EXOC4: variants seen among roughly 807,000 people sequenced by gnomAD.
EXOC4 encodes exocyst complex component 4.
EXOC4 carries 71 observed loss-of-function variants against 107.2 expected under a neutral mutation model. The ratio of observed to expected loss-of-function variants is 0.66; its 90% confidence interval spans 0.55 to 0.81. The LOEUF (loss-of-function observed/expected upper bound fraction) is 0.81. Among genes scored for constraint, EXOC4 ranks in the 30% least tolerant of loss-of-function variants. The pLI is 0.00. For synonymous variants in EXOC4, 456 were observed against 441.2 expected, an observed-to-expected ratio of 1.03 and a Z score of -0.42; for missense variants, 1,108 against 1,189.6, an observed-to-expected ratio of 0.93 and a Z score of 1.01.
intron 17 of EXOC4, among the ~76,000 whole-genome samples, chr7:134,020,802 A>G (rs1460480146): frequency 6.6e-6 from 1 of 152,124 alleles, no homozygotes; most frequent in Non-Finnish European, 1.5e-5. Flanking sequence ...CCTGGCCAAC[A>G]TGGTAAAACC....
At chr7:133,759,769 G>A (rs571224076) in intron 10 of EXOC4, among the ~76,000 whole-genome samples, 1 of 152,146 alleles carries the variant, frequency 6.6e-6, no homozygotes, top group African/African-American at 2.4e-5. Flanking sequence ...AAAGAAGAAG[G>A]AGAAAGGTTA....
chr7:133,609,323 T>C (rs764771293), intron 9 of EXOC4, among the ~76,000 whole-genome samples: 33 of 152,218 alleles, frequency 2.2e-4, no homozygotes, highest in Non-Finnish European at 4.0e-4. Context: ...TTGTAGCTGT[T>C]CCAGGTCTTG....
At chr7:133,956,958 A>G (rs974173775) in intron 14 of EXOC4, among the ~76,000 whole-genome samples, 14 of 151,996 alleles carry the variant, frequency 9.2e-5, no homozygotes, top group Non-Finnish European at 2.1e-4. Context: ...TAAAAAGTGT[A>G]TTTTCCACGT....
intron 10 of EXOC4, among the ~76,000 whole-genome samples, chr7:133,762,246 G>GA: frequency 6.6e-6 from 1 of 152,110 alleles, no homozygotes; most frequent in Non-Finnish European, 1.5e-5. Flanking sequence ...TGAACAATAT[G>GA]AAATTGCTGG....
chr7:134,005,235 CT>C, intron 16 of EXOC4, 145 bp downstream of exon 16: 1 of 767,966 alleles, frequency 1.3e-6, no homozygotes, highest in Non-Finnish European at 2.1e-6. Context: ...AATACCTAGC[CT>C]CTTTGTGTAT....
At chr7:133,298,418 AC>A (rs1794567350) in intron 3 of EXOC4, among the ~76,000 whole-genome samples, 1 of 152,126 alleles carries the variant, frequency 6.6e-6, no homozygotes, top group South Asian at 2.1e-4. Flanking sequence ...TCCCAGAGTA[AC>A]AAATAACATG....
chr7:133,597,305 G>A (rs1801696662), intron 9 of EXOC4, among the ~76,000 whole-genome samples: 1 of 152,166 alleles, frequency 6.6e-6, no homozygotes, highest in Non-Finnish European at 1.5e-5. Context: ...TGTAATCCCA[G>A]CACTTTGGGA....
intron 12 of EXOC4, among the ~76,000 whole-genome samples, chr7:133,896,647 T>G (rs1305029419): frequency 6.8e-6 from 1 of 147,140 alleles, no homozygotes; most frequent in African/African-American, 2.5e-5. Flanking sequence ...CTATTTTATT[T>G]TATTTATTTT....
chr7:133,884,088 A>C (rs543242342), intron 11 of EXOC4, among the ~76,000 whole-genome samples: 1 of 152,342 alleles, frequency 6.6e-6, no homozygotes, highest in Admixed American at 6.5e-5. Flanking sequence ...CATTATTGTC[A>C]TGAAACATTT....
intron 11 of EXOC4, among the ~76,000 whole-genome samples, chr7:133,855,114 AATATATATATATAAAT>A (rs1288513345): frequency 1.6e-4 from 15 of 91,464 alleles, no homozygotes; most frequent in East Asian, 1.4e-3. Flanking sequence ...AATATATATA[AATATATATATATAAAT>A]ATATATATAT....
chr7:133,347,260 G>A (rs879726122), intron 5 of EXOC4, among the ~76,000 whole-genome samples: 13 of 61,984 alleles, frequency 2.1e-4, no homozygotes, highest in East Asian at 4.0e-4. Context: ...TTTTTTTTTT[G>A]TGAGGCAGAG....
At chr7:133,927,277 T>C (rs1800073173) in intron 13 of EXOC4, among the ~76,000 whole-genome samples, 1 of 152,238 alleles carries the variant, frequency 6.6e-6, no homozygotes, top group Admixed American at 6.5e-5. Context: ...TTTGTTTTTG[T>C]CCTTAGTAGG....
chr7:134,091,907 G>T, the EXOC4 span, among the ~76,000 whole-genome samples: 3 of 151,976 alleles, frequency 2.0e-5, no homozygotes, highest in Non-Finnish European at 4.4e-5. Flanking sequence ...CTTTATAGAG[G>T]AATATTTTTG....
At position 133,915,160 on chromosome 7, in the gene EXOC4, G is replaced by A. The variant is rs961580738; in HGVS notation, c.1872-2423G>A. Among the ~76,000 whole-genome samples, 2 of 152,238 alleles carry A rather than the reference G, an allele frequency of 1.3e-5. 1 individual carries two copies. On this transcript the variant is annotated intron_variant, in intron 12 of 17. Transcript: ENST00000253861. The stretch of plus-strand genomic sequence containing the variant: ...AGAGGTGAGACAGTGAAGTCAATTA[G>A]TGCAGGCTGCTCCTTTGATGATTGC...
chr7:133,489,127 A>T (rs552382008), intron 9 of EXOC4, among the ~76,000 whole-genome samples: 16 of 151,940 alleles, frequency 1.1e-4, no homozygotes. Context: ...TGTGATAAAA[A>T]AATGAAGAAG....
At chr7:133,721,406 A>G (rs769879362) in intron 10 of EXOC4, among the ~76,000 whole-genome samples, 3 of 152,162 alleles carry the variant, frequency 2.0e-5, no homozygotes, top group Non-Finnish European at 4.4e-5. Flanking sequence ...AGATTCTCAT[A>G]ATTTGAAACC....
chr7:133,458,413 T>G (rs1317877798), intron 7 of EXOC4, among the ~76,000 whole-genome samples: 1 of 152,194 alleles, frequency 6.6e-6, no homozygotes, highest in Non-Finnish European at 1.5e-5. Flanking sequence ...CTTATTGGAG[T>G]TTGAGGAGAT....
At chr7:133,459,647 A>T (rs1798543673) in intron 7 of EXOC4, among the ~76,000 whole-genome samples, 1 of 152,170 alleles carries the variant, frequency 6.6e-6, no homozygotes, top group Non-Finnish European at 1.5e-5. Flanking sequence ...GAAAGACAGG[A>T]TCTTATCGGA....
intron 7 of EXOC4, among the ~76,000 whole-genome samples, chr7:133,466,919 A>T (rs566008486): frequency 1.3e-5 from 2 of 152,278 alleles, no homozygotes; most frequent in South Asian, 4.1e-4. Flanking sequence ...ACCTCCATTG[A>T]TTATTTATCA....
Sources: gnomAD v4.1 joint callset for allele counts (sites outside exome capture counted in the v4.1 genomes callset) on GRCh38, gnomAD v4.1.1 for gene constraint, MANE v1.5 for transcripts, NCBI Gene and HGNC (gene_info 2026-07-23, HGNC 2026-07-21) for gene names.